Variants in ATG7 observed in about 807,000 individuals in gnomAD.
ATG7 encodes ubiquitin-like modifier-activating enzyme ATG7.
A neutral mutation model predicts 82.4 loss-of-function variants in ATG7; 70 were observed. That is an observed-to-expected ratio of 0.85 (90% CI 0.70 to 1.04). The LOEUF is 1.04. Ranked by LOEUF, ATG7 falls within the 50% of genes least tolerant of loss-of-function variation. The pLI, the probability that ATG7 is intolerant of heterozygous loss-of-function variation, is 0.00. For missense variants in ATG7, 792 were observed against 864.3 expected (o/e 0.92, Z 1.05); for synonymous variants, 287 against 313.0 (o/e 0.92, Z 0.88).
At chr3:11,373,554 T>G (rs1398027771) in intron 18 of ATG7, among the ~76,000 whole-genome samples, 1 of 152,208 alleles carries the variant, frequency 6.6e-6, no homozygotes, top group African/African-American at 2.4e-5. Context: ...GGGCTTCTTC[T>G]GATGAGGCAA....
At chr3:11,423,956 T>G (rs2082150591) in intron 19 of ATG7, among the ~76,000 whole-genome samples, 2 of 152,208 alleles carry the variant, frequency 1.3e-5, no homozygotes, top group African/African-American at 2.4e-5. Context: ...TGTTTAAATG[T>G]GCCAGTCAAC....
chr3:11,542,107 C>G (rs1559819632), intron 20 of ATG7, among the ~76,000 whole-genome samples: 2 of 152,214 alleles, frequency 1.3e-5, no homozygotes, highest in Non-Finnish European at 2.9e-5. Flanking sequence ...CCGTTGCTAG[C>G]CATTCGCGTC....
intron 17 of ATG7, 57 bp downstream of exon 17, chr3:11,362,985 A>G: frequency 6.9e-7 from 1 of 1,456,106 alleles, no homozygotes; most frequent in Non-Finnish European, 9.5e-7. Flanking sequence ...GCAGTTGTTC[A>G]TCAGTGTCTC....
chr3:11,367,840 T>G (rs573602278), intron 18 of ATG7, among the ~76,000 whole-genome samples: 1 of 151,914 alleles, frequency 6.6e-6, no homozygotes, highest in South Asian at 2.1e-4. Context: ...ATAAGCTAAT[T>G]TCTGTCTATA....
chr3:11,317,500 A>C (rs1043546945), intron 9 of ATG7, among the ~76,000 whole-genome samples: 3 of 151,988 alleles, frequency 2.0e-5, no homozygotes, highest in Non-Finnish European at 2.9e-5. Flanking sequence ...GTGGTTAGTT[A>C]ATTAGTATCT....
intron 19 of ATG7, among the ~76,000 whole-genome samples, chr3:11,403,520 G>A (rs917041595): frequency 2.0e-5 from 3 of 152,148 alleles, no homozygotes; most frequent in African/African-American, 7.2e-5. Flanking sequence ...TTAAGAAATG[G>A]AAACTAGCAA....
chr3:11,448,557 A>T (rs962601241), intron 20 of ATG7, among the ~76,000 whole-genome samples: 1 of 152,232 alleles, frequency 6.6e-6, no homozygotes, highest in African/African-American at 2.4e-5. Context: ...TGTAATCAGG[A>T]ACATAAACCA....
intron 5 of ATG7, among the ~76,000 whole-genome samples, chr3:11,299,897 C>T (rs974194666): frequency 6.6e-6 from 1 of 150,794 alleles, no homozygotes; most frequent in Admixed American, 6.6e-5. Flanking sequence ...TGCTTGGGAG[C>T]TGTGGGGAGT....
At chr3:11,505,970 GCAGTCA>G (rs1401790461) in intron 20 of ATG7, among the ~76,000 whole-genome samples, 9 of 152,166 alleles carry the variant, frequency 5.9e-5, no homozygotes, top group Non-Finnish European at 1.3e-4. Context: ...CAAGATCAAG[GCAGTCA>G]CAGTCACAGG....
At chr3:11,563,867 A>T in the ATG7 span, among the ~76,000 whole-genome samples, 1 of 151,858 alleles carries the variant, frequency 6.6e-6, no homozygotes, top group Admixed American at 6.6e-5. Flanking sequence ...CACCAGAACC[A>T]CCTCTCCCAA....
intron 20 of ATG7, among the ~76,000 whole-genome samples, chr3:11,522,115 C>T (rs998883533): frequency 1.3e-5 from 2 of 152,288 alleles, no homozygotes; most frequent in East Asian, 3.9e-4. Flanking sequence ...CGTTTCAGAT[C>T]TGTCTATCCC....
chr3:11,558,844 A>T (rs200508121), downstream of ATG7: 8 of 1,608,398 alleles, frequency 5.0e-6, no homozygotes, highest in Admixed American at 1.0e-4. Flanking sequence ...GCAAGCAGGA[A>T]GGCAGGCAGT....
Position 11,314,414 on chromosome 3 carries a change from T to TTG in ATG7, c.529-929_529-928insGT, listed in dbSNP as rs1559376918. On this transcript the variant is annotated intron_variant, in intron 8 of 20. Coordinates refer to ENST00000693202, the MANE Select transcript of ATG7 (RefSeq NM_001349232.2). ...AGCAGCCATTATTGATTAAATTTTT[T>TTG]TTGTTGTTGTTCGTACAAATCCGAG... Among the ~76,000 whole-genome samples the TTG allele has an allele frequency of 6.5e-4, 98 of 151,648 alleles. 1 individual carries two copies. Among genetic ancestry groups the TTG allele is most frequent in the African/African-American group, 1.2e-3 (48 of 41,354 alleles).
intron 20 of ATG7, among the ~76,000 whole-genome samples, chr3:11,427,642 C>T (rs932294223): frequency 2.6e-5 from 4 of 151,706 alleles, no homozygotes; most frequent in African/African-American, 7.3e-5. Context: ...ATAGTGAAAC[C>T]GTGTCTTCAC....
chr3:11,566,197 T>C, the ATG7 span, among the ~76,000 whole-genome samples: 1 of 152,002 alleles, frequency 6.6e-6, no homozygotes, highest in Non-Finnish European at 1.5e-5. Context: ...CACAGAATGT[T>C]ACACACACAC....
chr3:11,542,800 C>T (rs1199304274), intron 20 of ATG7, among the ~76,000 whole-genome samples: 2 of 152,180 alleles, frequency 1.3e-5, no homozygotes, highest in African/African-American at 2.4e-5. Flanking sequence ...AAGAAGGTGA[C>T]GTTTGGAACG....
rs1954807396 is a variant in ATG7 at position 11,347,911 on chromosome 3, A to G, written c.1160A>G (p.Asn387Ser). ...GTGAGACACATCACATTTGTGGACA[A>G]TGCCAAGATCTCCTACTCCAATCCT... ...WGVRHITFVDNAKISYSNPVR... is the reference protein window; with the variant it reads ...WGVRHITFVDSAKISYSNPVR... The change falls in exon 14 of 21, where the codon AAT (asparagine) becomes AGT (serine). Residue 387 changes from asparagine (N) to serine (S), a missense_variant. By Grantham distance (46) the Asn-to-Ser change is conservative (BLOSUM62 1). Transcript: ENST00000693202. 2.5e-6 allele frequency: 4 copies of G among 1,614,168 alleles called. No homozygotes were observed. The highest frequency in any genetic ancestry group is 1.7e-4 in the Middle Eastern group (1 of 6,048).
Position 11,554,793 on chromosome 3 carries a change from C to G in ATG7, c.2080-18C>G, listed in dbSNP as rs533771401. On this transcript the variant is annotated intron_variant, in intron 20 of 20. Transcript: ENST00000693202. Reference sequence around the variant, plus strand: ...GCAGTGGGACATCTCGGCTGAGCCTCTCCCCTTCTCCATGCAGATCTGGGA... The same window carrying G: ...GCAGTGGGACATCTCGGCTGAGCCTGTCCCCTTCTCCATGCAGATCTGGGA... 1 of 1,613,116 alleles carries G rather than the reference C, an allele frequency of 6.2e-7. No individual in the cohort carries two copies. The highest frequency in any genetic ancestry group is 1.7e-5 in the Admixed American group (1 of 59,938).
chr3:11,402,021 G>A (rs558328610), intron 19 of ATG7, among the ~76,000 whole-genome samples: 3 of 151,976 alleles, frequency 2.0e-5, no homozygotes, highest in East Asian at 3.9e-4. Context: ...AACTTGGTGG[G>A]TTTTTTTTCA....
Sources: allele counts gnomAD v4.1 joint callset (sites outside exome capture counted in the v4.1 genomes callset), GRCh38; gene constraint gnomAD v4.1.1; transcripts MANE v1.5; gene names NCBI Gene and HGNC (gene_info 2026-07-23, HGNC 2026-07-21).